CC2D1B: variants seen among roughly 807,000 people sequenced by gnomAD.
CC2D1B encodes the protein coiled-coil and C2 domain-containing protein 1B.
In CC2D1B, 92 loss-of-function variants were observed where a neutral mutation model predicts 110.8. The ratio of observed to expected loss-of-function variants is 0.83; its 90% confidence interval spans 0.70 to 0.99. The LOEUF (loss-of-function observed/expected upper bound fraction) is 0.99, where lower values mean the gene tolerates loss of function less well. CC2D1B is among the 50% of genes least tolerant of loss of function. CC2D1B has a pLI of 0.00. For synonymous variants in CC2D1B, 406 were observed against 429.2 expected, an observed-to-expected ratio of 0.95 and a Z score of 0.67; for missense variants, 1,136 against 1,089.0, an observed-to-expected ratio of 1.04 and a Z score of -0.61.
chr1:52,351,387 C>T lies in CC2D1B; in HGVS notation c.*1838G>A, dbSNP rs1400748144. The T allele has an allele frequency of 6.6e-6, 1 of 152,168 alleles. No individual in the cohort carries two copies. The highest frequency in any genetic ancestry group is 1.5e-5 in the Non-Finnish European group (1 of 68,040). The allele number at this position is 152,168 out of a possible 1,614,324, so 9.4% of individuals were successfully genotyped here. A position where few individuals can be genotyped will look rare whatever the true frequency, so the allele number is the denominator to read the frequency against. ...GATAACCACAGTGGTCCGTAACCCTCTTAGGAAGCACTGGGTTGGATACAC... is the reference window on the plus strand; with the variant it reads ...GATAACCACAGTGGTCCGTAACCCTTTTAGGAAGCACTGGGTTGGATACAC... On this transcript the variant is annotated 3_prime_UTR_variant, in exon 25 of 25. Coordinates refer to ENST00000284376, the MANE Select transcript of CC2D1B (RefSeq NM_001330585.2).
Position 52,350,746 on chromosome 1 carries a change from TG to T in CC2D1B, c.*2478del, listed in dbSNP as rs1646520549. 1 of 152,216 alleles carries T rather than the reference TG, an allele frequency of 6.6e-6. No homozygotes were observed. The highest frequency in any genetic ancestry group is 2.4e-5 in the African/African-American group (1 of 41,448). The allele number at this position is 152,216 out of a possible 1,614,324, so 9.4% of individuals were successfully genotyped here. A position where few individuals can be genotyped will look rare whatever the true frequency, so the allele number is the denominator to read the frequency against. On this transcript the variant is annotated 3_prime_UTR_variant, in exon 25 of 25. Transcript: ENST00000284376. ...TCACTAATCTCCAATGTTTGGATAC[TG>T]TATTTGTGTTTGTTTTGAGACAGAG...
In CC2D1B at chr1:52,359,408, G is replaced by A. The variant is rs532564161; in HGVS notation, c.1018+51C>T. 16 of 1,612,628 alleles carry A rather than the reference G, an allele frequency of 9.9e-6. 1 individual carries two copies. The South Asian group carries it at 1.3e-4, about 13-fold the overall frequency. ...GGTGGGAGGGCCTGGCCAGCCCCAGGCCTGCTACTCCTCCCCAACCCCACC... is the reference window on the plus strand; with the variant it reads ...GGTGGGAGGGCCTGGCCAGCCCCAGACCTGCTACTCCTCCCCAACCCCACC... On this transcript the variant is annotated intron_variant, in intron 9 of 24. Coordinates refer to ENST00000284376, the MANE Select transcript of CC2D1B (RefSeq NM_001330585.2).
intron 10 of CC2D1B, 25 bp from the exon 11 acceptor site, chr1:52,359,182 G>A: frequency 6.2e-7 from 1 of 1,609,472 alleles, no homozygotes; most frequent in Non-Finnish European, 8.5e-7. Flanking sequence ...GGAAGAAGTG[G>A]GCATCAGGTC....
In CC2D1B at chr1:52,357,108, C is replaced by A. The variant is rs538493265; in HGVS notation, c.1771G>T (p.Asp591Tyr). The A allele has an allele frequency of 6.2e-7, 1 of 1,613,884 alleles. No homozygotes were observed. The highest frequency in any genetic ancestry group is 1.3e-5 in the African/African-American group (1 of 75,034). ...ATGAGGATGAAGTCACCCTCCTCAT[C>A]CGTCAAGGGCGAAGGCACCTACCCA... ...DLSKVPSPLTDEEGDFILIHH... is the reference protein window; with the variant it reads ...DLSKVPSPLTYEEGDFILIHH... Residue 591 changes from aspartate to tyrosine, a missense_variant, in exon 16 of 25, where the codon GAT becomes TAT. Transcript: ENST00000284376.
rs767111281 is a variant in CC2D1B, at chr1:52,353,503, C to G, written c.*1+15G>C. On this transcript the variant is annotated intron_variant, in intron 24 of 24. Coordinates refer to ENST00000284376, the MANE Select transcript of CC2D1B (RefSeq NM_001330585.2). ...GGAGGGGGCAAAGGTTCTGAAGGCCCAGAGAGCTGCCCACCTCACAAGCCC... is the reference window on the plus strand; with the variant it reads ...GGAGGGGGCAAAGGTTCTGAAGGCCGAGAGAGCTGCCCACCTCACAAGCCC... The G allele has an allele frequency of 1.9e-6, 3 of 1,603,424 alleles. No homozygotes were observed. The African/African-American group carries it at 4.0e-5, about 22-fold the overall frequency.
intron 5 of CC2D1B, 98 bp from the exon 6 acceptor site, chr1:52,360,647 C>A: frequency 6.7e-7 from 1 of 1,498,662 alleles, no homozygotes; most frequent in South Asian, 1.3e-5. Context: ...AGCTCTGGGA[C>A]TCCAGGAGAA....
At chr1:52,358,524 G>A (rs1646704936) in intron 12 of CC2D1B, 63 bp from the exon 13 acceptor site, 8 of 1,608,818 alleles carry the variant, frequency 5.0e-6, no homozygotes, top group East Asian at 2.2e-5. Context: ...AAAGCTACCC[G>A]GGGCCCTGTC....
chr1:52,355,554 G>C, intron 20 of CC2D1B, 54 bp downstream of exon 20: 1 of 1,609,776 alleles, frequency 6.2e-7, no homozygotes, highest in Non-Finnish European at 8.5e-7. Context: ...GTGAGCACAG[G>C]GTCCTGGAAT....
At chr1:52,358,790 C>T (rs952140797) in intron 11 of CC2D1B, 32 bp from the exon 12 acceptor site, 15 of 1,586,238 alleles carry the variant, frequency 9.5e-6, no homozygotes, top group African/African-American at 4.1e-5. Context: ...GGCCTGTGGT[C>T]GGCAGCAGCC....
At chr1:52,360,807 G>A (rs1409085552) in intron 5 of CC2D1B, 167 bp downstream of exon 5, 18 of 959,734 alleles carry the variant, frequency 1.9e-5, no homozygotes, top group Non-Finnish European at 2.8e-5. Flanking sequence ...CTTTGAGGCT[G>A]GCTGCCACGG....
chr1:52,365,373 C>T (rs1411044955), intron 1 of CC2D1B, among the ~76,000 whole-genome samples: 1 of 152,246 alleles, frequency 6.6e-6, no homozygotes, highest in Non-Finnish European at 1.5e-5. Context: ...AGAAAAGGCT[C>T]CTCCTTCGAG....
At position 52,357,526 on chromosome 1, in the gene CC2D1B, CT is replaced by C; in HGVS notation, c.1751del (p.Lys584ArgfsTer6). ...TGGTGGTTAACCAGGTGGGACTCAC[CT>C]TGGACAGATCAACAGGTCTGCCAGA... ...ARSGRPVDLS[K>X]VPSPLTDEEG... On this transcript the variant is annotated frameshift_variant and splice_region_variant, in exon 15 of 25. Transcript: ENST00000284376. LOFTEE classifies it high-confidence loss of function. The C allele has an allele frequency of 6.4e-7, 1 of 1,572,928 alleles. No individual in the cohort carries two copies. The highest frequency in any genetic ancestry group is 8.6e-7 in the Non-Finnish European group (1 of 1,157,754).
In CC2D1B at chr1:52,357,846, A is replaced by G. The variant is rs956375402; in HGVS notation, c.1514T>C (p.Val505Ala). 2.5e-6 allele frequency: 4 copies of G among 1,590,544 alleles called. No individual in the cohort carries two copies. Among genetic ancestry groups the G allele is most frequent in the Admixed American group, 1.8e-5 (1 of 55,930 alleles). Residue 505 changes from valine to alanine, a missense_variant, in exon 14 of 25, where the codon GTC becomes GCC. Transcript: ENST00000284376. Reference sequence around the variant, plus strand: ...CTCAGGCAGGCGCTGGGATGAAGGGACTGTGGGCCGTGCAGGTTTCTTGGC... The same window carrying G: ...CTCAGGCAGGCGCTGGGATGAAGGGGCTGTGGGCCGTGCAGGTTTCTTGGC... The part of the protein sequence containing the change: ...PVAKKPARPT[V>A]PSSQRLPEPR...
Position 52,359,783 on chromosome 1 carries a change from T to C in CC2D1B, c.864A>G (p.Arg288=), listed in dbSNP as rs1318840559. The part of the protein sequence containing the change: ...DPRALLSSRQ[R]EYKVAALSAK... ...CACTGAGGGCAGCCACTTTGTACTC[T>C]CTCTGTCGGGATGACAGCAGGGCCC... is the stretch of plus-strand genomic sequence containing the variant. The change falls in exon 8 of 25, where the codon AGA becomes AGG. Residue 288 remains arginine, a synonymous_variant. Transcript: ENST00000284376. 6.2e-7 allele frequency: 1 copy of C among 1,611,328 alleles called. No homozygotes were observed. The highest frequency in any genetic ancestry group is 2.2e-5 in the East Asian group (1 of 44,774).
At position 52,350,740 on chromosome 1, in the gene CC2D1B, G is replaced by A. The variant is rs1323178769; in HGVS notation, c.*2485C>T. ...GGTGAGTCACTAATCTCCAATGTTT[G>A]GATACTGTATTTGTGTTTGTTTTGA... is the stretch of plus-strand genomic sequence containing the variant. On this transcript the variant is annotated 3_prime_UTR_variant, in exon 25 of 25. Coordinates refer to ENST00000284376, the MANE Select transcript of CC2D1B (RefSeq NM_001330585.2). 1 of 152,130 alleles carries A rather than the reference G, an allele frequency of 6.6e-6. No individual in the cohort carries two copies. Among genetic ancestry groups the A allele is most frequent in the Non-Finnish European group, 1.5e-5 (1 of 68,030 alleles). The allele number at this position is 152,130 out of a possible 1,614,324, so 9.4% of individuals were successfully genotyped here.
chr1:52,363,654 A>G (rs965560944), intron 2 of CC2D1B, among the ~76,000 whole-genome samples: 2 of 150,534 alleles, frequency 1.3e-5, no homozygotes, highest in Admixed American at 1.3e-4. Context: ...TTCCATGAAT[A>G]TGACTACTCT....
intron 12 of CC2D1B, 97 bp from the exon 13 acceptor site, chr1:52,358,558 T>C (rs1261399680): frequency 1.2e-5 from 19 of 1,591,722 alleles, no homozygotes; most frequent in Non-Finnish European, 1.5e-5. Flanking sequence ...TGCTGGGGCA[T>C]GGCTGGGATG....
chr1:52,353,701 A>C lies in CC2D1B; in HGVS notation c.2431-54T>G, dbSNP rs561018851. ...AACTAAGGGGACAGAGATGGGGAGC[A>C]GGCAGGTCCCTACATTCCCAGGAAA... On this transcript the variant is annotated intron_variant, in intron 23 of 24. Coordinates refer to ENST00000284376, the MANE Select transcript of CC2D1B (RefSeq NM_001330585.2). 2.2e-6 allele frequency: 3 copies of C among 1,352,064 alleles called. No individual in the cohort carries two copies. In the South Asian group the frequency reaches 3.9e-5, roughly 17 times the overall value. 83.8% of individuals were successfully genotyped at this position (1,352,064 alleles called of 1,614,324 possible).
chr1:52,356,958 G>A (rs1197953970), intron 16 of CC2D1B, 43 bp downstream of exon 16: 2 of 1,532,144 alleles, frequency 1.3e-6, no homozygotes, highest in East Asian at 2.5e-5. Flanking sequence ...CCACGGGGAG[G>A]CTGTGGGCAC....
Sources: gnomAD v4.1 joint callset for allele counts (sites outside exome capture counted in the v4.1 genomes callset) on GRCh38, gnomAD v4.1.1 for gene constraint, MANE v1.5 for transcripts, NCBI Gene and HGNC (gene_info 2026-07-23, HGNC 2026-07-21) for gene names.